FLT1: variants seen among roughly 807,000 people sequenced by gnomAD.
The protein encoded by FLT1 is vascular endothelial growth factor receptor 1.
FLT1 carries 49 observed loss-of-function variants against 156.3 expected under a neutral mutation model. That is an observed-to-expected ratio of 0.31 (90% CI 0.25 to 0.40). FLT1 has a LOEUF of 0.40. Among genes scored for constraint, FLT1 ranks in the 10% least tolerant of loss-of-function variants. The pLI, the probability that FLT1 is intolerant of heterozygous loss-of-function variation, is 1.00. For missense variants in FLT1, 1,322 were observed against 1,637.2 expected (o/e 0.81, Z 3.32); for synonymous variants, 594 against 583.8 (o/e 1.02, Z -0.25).
chr13:28,312,831 C>T (rs1179991665), intron 25 of FLT1, among the ~76,000 whole-genome samples: 3 of 152,202 alleles, frequency 2.0e-5, no homozygotes, highest in Non-Finnish European at 2.9e-5. Context: ...TCCCACCACT[C>T]AAGGCACACA....
rs911333012 is a variant in FLT1, at chr13:28,495,024, C to T, written c.-181G>A. On this transcript the variant is annotated 5_prime_UTR_variant, in exon 1 of 30. Coordinates refer to ENST00000282397, the MANE Select transcript of FLT1 (RefSeq NM_002019.4). This position sits in a 1 kb window ranked among gnomAD's most constrained non-coding sequence, Gnocchi z 4.1. ...TCCTCGCCGCCAGGCGCCCGCTGGC[C>T]GCTGCACCCGAGCCCCGGAGCCCGC... 6.0e-6 allele frequency: 3 copies of T among 500,860 alleles called. No homozygotes were observed. Among genetic ancestry groups the T allele is most frequent in the African/African-American group, 2.0e-5 (1 of 49,032 alleles). The allele number at this position is 500,860 out of a possible 1,614,324, so 31.0% of individuals were successfully genotyped here.
intron 11 of FLT1, among the ~76,000 whole-genome samples, chr13:28,402,980 A>G (rs891843605): frequency 6.6e-6 from 1 of 151,928 alleles, no homozygotes; most frequent in African/African-American, 2.4e-5. Context: ...GGGTTTTGCC[A>G]TATTGGCCAG....
intron 25 of FLT1, among the ~76,000 whole-genome samples, chr13:28,313,908 A>AGAT: frequency 7.0e-6 from 1 of 143,730 alleles, no homozygotes; most frequent in East Asian, 2.0e-4. Flanking sequence ...AAAAAAAAAA[A>AGAT]AGAAGAATCC....
intron 14 of FLT1, among the ~76,000 whole-genome samples, chr13:28,382,611 A>C (rs2137445112): frequency 6.6e-6 from 1 of 152,298 alleles, no homozygotes; most frequent in South Asian, 2.1e-4. Context: ...AGACCACTGA[A>C]GGTGTTCAGA....
chr13:28,392,777 C>A (rs2137464948), intron 12 of FLT1, among the ~76,000 whole-genome samples: 1 of 152,228 alleles, frequency 6.6e-6, no homozygotes, highest in South Asian at 2.1e-4. Flanking sequence ...TGAGTGCCAG[C>A]AAAACAGCAA....
chr13:28,353,891 T>C (rs993378416), intron 15 of FLT1, among the ~76,000 whole-genome samples: 7 of 152,220 alleles, frequency 4.6e-5, no homozygotes, highest in Admixed American at 4.6e-4. Context: ...AATAACACAT[T>C]GTTTTATCTG....
At chr13:28,473,241 T>C (rs1289092771) in intron 1 of FLT1, among the ~76,000 whole-genome samples, 1 of 152,146 alleles carries the variant, frequency 6.6e-6, no homozygotes. Context: ...TTTAAACACA[T>C]GACTCAGCAA....
chr13:28,319,336 T>C, intron 24 of FLT1, 87 bp downstream of exon 24: 1 of 885,400 alleles, frequency 1.1e-6, no homozygotes. Context: ...GGTTCTAATC[T>C]AAAGGCTGTC....
intron 1 of FLT1, among the ~76,000 whole-genome samples, chr13:28,483,183 T>C (rs1175218428): frequency 6.6e-6 from 1 of 152,218 alleles, no homozygotes; most frequent in African/African-American, 2.4e-5. Context: ...TTAAACAATG[T>C]TTTCCAAAAA....
Position 28,384,966 on chromosome 13 carries a change from T to C in FLT1, c.2035A>G (p.Thr679Ala). 1.2e-6 allele frequency: 2 copies of C among 1,614,010 alleles called. No homozygotes were observed. Among genetic ancestry groups the C allele is most frequent in the Non-Finnish European group, 1.7e-6 (2 of 1,179,858 alleles). The change falls in exon 14 of 30, where the codon ACT becomes GCT. Residue 679 changes from threonine (T) to alanine (A), a missense_variant. By Grantham distance (58) the Thr-to-Ala change is moderately conservative. Around this residue, in one of 3 missense-constraint regions of FLT1, gnomAD observed 991 missense variants for 1,254.8 expected, o/e 0.79. Transcript: ENST00000282397. ...ACACCATTAGCATGACAGTCTAAAG[T>C]GGTGGAACTGCTGATGGCCACTGTG... is the stretch of plus-strand genomic sequence containing the variant. ...DHTVAISSST[T>A]LDCHANGVPE... is the part of the protein sequence containing the mutation.
At chr13:28,460,723 T>C (rs757812380) in intron 3 of FLT1, among the ~76,000 whole-genome samples, 2 of 131,430 alleles carry the variant, frequency 1.5e-5, no homozygotes, top group African/African-American at 5.8e-5. Context: ...ATAATAGATA[T>C]GGTCTATCCT....
intron 25 of FLT1, among the ~76,000 whole-genome samples, chr13:28,314,264 T>C (rs1305757246): frequency 6.6e-6 from 1 of 152,232 alleles, no homozygotes; most frequent in Non-Finnish European, 1.5e-5. Flanking sequence ...CTAGTTTCCC[T>C]GCTGACACTC....
intron 12 of FLT1, among the ~76,000 whole-genome samples, chr13:28,393,786 C>T (rs1874878711): frequency 6.6e-6 from 1 of 152,056 alleles, no homozygotes. Context: ...AGGATTTTGC[C>T]ATGTTTCCCA....
chr13:28,345,097 C>T (rs1872515084), intron 16 of FLT1, among the ~76,000 whole-genome samples: 1 of 151,950 alleles, frequency 6.6e-6, no homozygotes, highest in African/African-American at 2.4e-5. Flanking sequence ...ACCACCGTGC[C>T]CAGTCTCCTT....
chr13:28,382,996 A>G (rs1424696195), intron 14 of FLT1, among the ~76,000 whole-genome samples: 1 of 152,204 alleles, frequency 6.6e-6, no homozygotes, highest in East Asian at 1.9e-4. Flanking sequence ...ACTACTCCAT[A>G]TTGCTGTTTA....
At chr13:28,470,804 C>A (rs1251651100) in intron 1 of FLT1, among the ~76,000 whole-genome samples, 1 of 152,174 alleles carries the variant, frequency 6.6e-6, no homozygotes, top group Non-Finnish European at 1.5e-5. Flanking sequence ...GATTCTCCTG[C>A]CTCAGCCTTC....
chr13:28,310,673 C>T (rs756068164), intron 27 of FLT1, among the ~76,000 whole-genome samples: 89 of 152,164 alleles, frequency 5.8e-4, no homozygotes, highest in Non-Finnish European at 1.0e-3. Flanking sequence ...TTCTCCAATT[C>T]CCTCTGCAGT....
intron 3 of FLT1, among the ~76,000 whole-genome samples, chr13:28,440,930 C>G (rs552416688): frequency 2.0e-5 from 3 of 152,098 alleles, no homozygotes; most frequent in South Asian, 2.1e-4. Context: ...AGTGCCCCTC[C>G]TCCCAAGAAT....
chr13:28,486,629 C>T (rs1881183850), intron 1 of FLT1, among the ~76,000 whole-genome samples: 2 of 99,504 alleles, frequency 2.0e-5, no homozygotes, highest in Admixed American at 1.2e-4. Flanking sequence ...ACGGGCAATT[C>T]ACTTCTGCCC....
Sources: gnomAD v4.1 joint callset for allele counts (sites outside exome capture counted in the v4.1 genomes callset) on GRCh38, gnomAD v4.1.1 for gene constraint, gnomAD v4.1.1 regional missense constraint, Gnocchi (gnomAD v3.1) non-coding constraint, MANE v1.5 for transcripts, NCBI Gene and HGNC (gene_info 2026-07-23, HGNC 2026-07-21) for gene names.